TENM4: variants seen among roughly 807,000 people sequenced by gnomAD.
The protein encoded by TENM4 is teneurin transmembrane protein 4.
A neutral mutation model predicts 243.3 loss-of-function variants in TENM4; 82 were observed. The observed-to-expected ratio is 0.34, with a 90% confidence interval of 0.28 to 0.40. The LOEUF is 0.40. TENM4 is among the 10% of genes least tolerant of loss of function. TENM4 has a pLI of 1.00. For missense variants in TENM4, 3,138 were observed against 3,673.3 expected, an observed-to-expected ratio of 0.85 and a Z score of 3.77; for synonymous variants, 1,412 against 1,456.3, an observed-to-expected ratio of 0.97 and a Z score of 0.69.
chr11:78,770,967 G>T, intron 18 of TENM4, 25 bp downstream of exon 18: 1 of 1,569,032 alleles, frequency 6.4e-7, no homozygotes. Context: ...GAGCCGCCTG[G>T]AGCCCATGGG....
At chr11:79,332,665 C>T (rs1034362138) in intron 1 of TENM4, among the ~76,000 whole-genome samples, 2 of 152,168 alleles carry the variant, frequency 1.3e-5, no homozygotes, top group African/African-American at 4.8e-5. Context: ...TGTTCCCCCA[C>T]TTCTCAGATA....
At chr11:79,114,809 T>C (rs1463706727) in intron 4 of TENM4, among the ~76,000 whole-genome samples, 1 of 152,194 alleles carries the variant, frequency 6.6e-6, no homozygotes, top group Admixed American at 6.5e-5. Flanking sequence ...TTGTTGTGTC[T>C]GGGTAAGGAT....
intron 6 of TENM4, among the ~76,000 whole-genome samples, chr11:78,957,519 T>C (rs1361714521): frequency 6.6e-6 from 1 of 152,160 alleles, no homozygotes; most frequent in Non-Finnish European, 1.5e-5. Flanking sequence ...GAAAACACTT[T>C]TAGAAGGAGC....
At chr11:78,978,204 C>T (rs530037989) in intron 6 of TENM4, among the ~76,000 whole-genome samples, 4 of 151,166 alleles carry the variant, frequency 2.6e-5, no homozygotes, top group Middle Eastern at 3.4e-3. Flanking sequence ...AGCCTGTTGG[C>T]GGATGGGGGG....
chr11:78,987,887 G>A (rs1297700519), intron 6 of TENM4, among the ~76,000 whole-genome samples: 1 of 151,968 alleles, frequency 6.6e-6, no homozygotes, highest in Non-Finnish European at 1.5e-5. Context: ...TTTCCCCCAG[G>A]CCATTCACCC....
At chr11:78,667,469 T>C (rs1242550728) in intron 32 of TENM4, among the ~76,000 whole-genome samples, 1 of 152,168 alleles carries the variant, frequency 6.6e-6, no homozygotes, top group East Asian at 1.9e-4. Context: ...GCCTTCCCTC[T>C]CTGCAATGCC....
chr11:78,933,906 T>C (rs1177935498), intron 6 of TENM4, among the ~76,000 whole-genome samples: 1 of 152,158 alleles, frequency 6.6e-6, no homozygotes, highest in East Asian at 1.9e-4. Context: ...TGGCTATTTC[T>C]GTCCACCAAC....
intron 6 of TENM4, among the ~76,000 whole-genome samples, chr11:78,926,075 G>A (rs1332912136): frequency 6.6e-6 from 1 of 152,080 alleles, no homozygotes; most frequent in Non-Finnish European, 1.5e-5. Flanking sequence ...GAAAACGAGA[G>A]AGAAGGTAGT....
At chr11:79,042,473 A>C (rs1859559569) in intron 6 of TENM4, among the ~76,000 whole-genome samples, 1 of 152,222 alleles carries the variant, frequency 6.6e-6, no homozygotes, top group South Asian at 2.1e-4. Context: ...AAGAGGCTTA[A>C]GGGAGCTTGT....
intron 1 of TENM4, among the ~76,000 whole-genome samples, chr11:79,316,323 A>G (rs1856801579): frequency 6.6e-6 from 1 of 152,234 alleles, no homozygotes; most frequent in South Asian, 2.1e-4. Context: ...AAAAATATAA[A>G]CAAGGCTGGT....
intron 12 of TENM4, among the ~76,000 whole-genome samples, chr11:78,816,068 G>C (rs1374713427): frequency 6.6e-6 from 1 of 152,200 alleles, no homozygotes; most frequent in Admixed American, 6.5e-5. Flanking sequence ...ACCGCTCTGT[G>C]ACTGACACAG....
intron 14 of TENM4, among the ~76,000 whole-genome samples, chr11:78,808,522 T>G (rs1400903170): frequency 6.6e-6 from 1 of 152,234 alleles, no homozygotes; most frequent in Non-Finnish European, 1.5e-5. Context: ...TTAAATAACT[T>G]GCCCAAGATT....
intron 4 of TENM4, among the ~76,000 whole-genome samples, chr11:79,138,897 T>TTATATTTATATAAATATATAAAATA (rs2137188786): frequency 8.7e-6 from 1 of 115,134 alleles, no homozygotes; most frequent in African/African-American, 3.5e-5. Context: ...AAAATATATA[T>TTATATTTATATAAATATATAAAATA]TATATTTCTA....
chr11:78,829,437 C>G (rs1857928749), intron 12 of TENM4, among the ~76,000 whole-genome samples: 1 of 152,100 alleles, frequency 6.6e-6, no homozygotes, highest in South Asian at 2.1e-4. Flanking sequence ...GGTTGGAGGG[C>G]TCAATGAGAT....
intron 5 of TENM4, among the ~76,000 whole-genome samples, chr11:79,067,094 C>A (rs762485608): frequency 1.3e-5 from 2 of 152,190 alleles, no homozygotes; most frequent in African/African-American, 2.4e-5. Context: ...TCCTCATGAT[C>A]CAGTTACTAA....
At chr11:79,070,593 T>A (rs1860388142) in intron 4 of TENM4, among the ~76,000 whole-genome samples, 2 of 152,182 alleles carry the variant, frequency 1.3e-5, no homozygotes. Context: ...CATCTCCTTC[T>A]GCTAGTCTGT....
At chr11:78,979,019 A>T (rs930825875) in intron 6 of TENM4, among the ~76,000 whole-genome samples, 4 of 152,170 alleles carry the variant, frequency 2.6e-5, no homozygotes, top group African/African-American at 9.7e-5. Flanking sequence ...GAAATGACAG[A>T]AGAGAAAGGT....
intron 1 of TENM4, among the ~76,000 whole-genome samples, chr11:79,336,668 A>G (rs1857153153): frequency 6.6e-6 from 1 of 152,226 alleles, no homozygotes; most frequent in African/African-American, 2.4e-5. Context: ...TGCCACTTTG[A>G]AAATATTGCT....
At chr11:79,389,280 T>C (rs1014619695) in intron 1 of TENM4, among the ~76,000 whole-genome samples, 2 of 152,180 alleles carry the variant, frequency 1.3e-5, no homozygotes, top group Non-Finnish European at 2.9e-5. Context: ...CTCAGTCTCC[T>C]GAGTAGCTGA....
Sources: gnomAD v4.1 joint callset for allele counts (sites outside exome capture counted in the v4.1 genomes callset) on GRCh38, gnomAD v4.1.1 for gene constraint, MANE v1.5 for transcripts, NCBI Gene and HGNC (gene_info 2026-07-23, HGNC 2026-07-21) for gene names.